The following RAD51C variants were observed in gnomAD, a reference collection of about 807,000 sequenced individuals.
RAD51C encodes the protein DNA repair protein RAD51 homolog 3.
In RAD51C, 42 loss-of-function variants were observed where a neutral mutation model predicts 45.0. The ratio of observed to expected loss-of-function variants is 0.93; its 90% CI spans 0.73 to 1.21. The LOEUF (loss-of-function observed/expected upper bound fraction) is 1.21. RAD51C is among the 50% of genes most tolerant of loss of function. RAD51C has a pLI of 0.00. For missense variants in RAD51C, 474 were observed against 452.2 expected, an observed-to-expected ratio of 1.05 and a Z score of -0.44; for synonymous variants, 172 against 159.8, an observed-to-expected ratio of 1.08 and a Z score of -0.58.
rs2048274960 is a variant in RAD51C at position 58,703,307 on chromosome 17, A to G, written c.683A>G (p.Asp228Gly). ...ELLAQVYLLP[D>G]FLSEHSKVRL... is the part of the protein sequence containing the mutation. ...CTGGCACAAGTTTATCTTCTTCCAG[A>G]TTTCCTTTCAGAACACTCAAAGGTA... The change falls in exon 4 of 9, where the codon GAT becomes GGT. Residue 228 changes from aspartate to glycine, a missense_variant. Coordinates refer to ENST00000337432, the MANE Select transcript of RAD51C (RefSeq NM_058216.3). The G allele has an allele frequency of 6.2e-7, 1 of 1,612,134 alleles. No homozygotes were observed. Among genetic ancestry groups the G allele is most frequent in the Non-Finnish European group, 8.5e-7 (1 of 1,178,462 alleles).
At chr17:58,710,021 A>G (rs1332056635) in intron 5 of RAD51C, 31 bp downstream of exon 5, 1 of 1,587,354 alleles carries the variant, frequency 6.3e-7, no homozygotes, top group South Asian at 1.1e-5. Context: ...AGAGTTTTAT[A>G]ACAAAGTCAA....
At chr17:58,713,595 G>A (rs766629763) in intron 5 of RAD51C, among the ~76,000 whole-genome samples, 18 of 152,040 alleles carry the variant, frequency 1.2e-4, no homozygotes, top group Non-Finnish European at 1.9e-4. Flanking sequence ...ATCACTTGAG[G>A]TCAGGAGTTC....
At chr17:58,720,102 G>A (rs558887090) in intron 5 of RAD51C, among the ~76,000 whole-genome samples, 51 of 150,598 alleles carry the variant, frequency 3.4e-4, no homozygotes, top group Middle Eastern at 3.5e-3. Context: ...GCTATAATAG[G>A]TAGATTAATT....
Position 58,734,317 on chromosome 17 carries a change from T to G in RAD51C, c.*95T>G, listed in dbSNP as rs548687636. 8.4e-6 allele frequency: 13 copies of G among 1,542,960 alleles called. No homozygotes were observed. Among genetic ancestry groups the G allele is most frequent in the African/African-American group, 1.4e-5 (1 of 72,934 alleles). ...TACCTTAAAGTATAAATAAACACAC[T>G]ATGGCATGAATGAATCCAGATCATA... is the stretch of plus-strand genomic sequence containing the variant. On this transcript the variant is annotated 3_prime_UTR_variant, in exon 9 of 9. Coordinates refer to ENST00000337432, the MANE Select transcript of RAD51C (RefSeq NM_058216.3).
intron 6 of RAD51C, among the ~76,000 whole-genome samples, chr17:58,723,765 G>A (rs920285804): frequency 7.9e-5 from 12 of 151,374 alleles, no homozygotes; most frequent in Admixed American, 2.0e-4. Flanking sequence ...TCAGAAATAC[G>A]TTAGGCTTGA....
At chr17:58,699,325 GTTTTA>G (rs2048130805) in intron 3 of RAD51C, among the ~76,000 whole-genome samples, 1 of 151,848 alleles carries the variant, frequency 6.6e-6, no homozygotes, top group Admixed American at 6.6e-5. Context: ...CTTTTTCTTT[GTTTTA>G]TTTATTTTTT....
intron 4 of RAD51C, among the ~76,000 whole-genome samples, chr17:58,704,412 A>G (rs1369068974): frequency 6.6e-6 from 1 of 151,020 alleles, no homozygotes; most frequent in Non-Finnish European, 1.5e-5. Flanking sequence ...AGCTGGGACT[A>G]CAGGCATGCG....
intron 3 of RAD51C, among the ~76,000 whole-genome samples, chr17:58,697,274 A>G (rs1345332848): frequency 1.3e-5 from 2 of 152,144 alleles, no homozygotes; most frequent in Non-Finnish European, 2.9e-5. Context: ...TGCAGTGCTC[A>G]TGCCTGTAAT....
At chr17:58,733,704 T>C (rs1319267893) in intron 8 of RAD51C, among the ~76,000 whole-genome samples, 2 of 152,222 alleles carry the variant, frequency 1.3e-5, no homozygotes, top group Non-Finnish European at 2.9e-5. Context: ...CAGTGGTTGA[T>C]AAATTTCTAT....
rs1057522983 is a variant in RAD51C at position 58,692,622 on chromosome 17, G to T, written c.-22G>T. ...AGGGCGTGCGGAGTTTGGCTGCTCCGGGGTTAGCAGGTGAGCCTGCGATGC... is the reference window on the plus strand; with the variant it reads ...AGGGCGTGCGGAGTTTGGCTGCTCCTGGGTTAGCAGGTGAGCCTGCGATGC... On this transcript the variant is annotated 5_prime_UTR_variant, in exon 1 of 9. Transcript: ENST00000337432. 1.9e-6 allele frequency: 3 copies of T among 1,613,492 alleles called. No individual in the cohort carries two copies. The South Asian group carries it at 3.3e-5, about 18-fold the overall frequency.
chr17:58,730,258 C>T (rs2049363201), intron 7 of RAD51C, among the ~76,000 whole-genome samples: 1 of 151,406 alleles, frequency 6.6e-6, no homozygotes, highest in Non-Finnish European at 1.5e-5. Flanking sequence ...TCCACCTCCC[C>T]AGTTCAAGTG....
chr17:58,706,604 T>G (rs2048388847), intron 4 of RAD51C: 1 of 417,234 alleles, frequency 2.4e-6, no homozygotes, highest in Non-Finnish European at 5.0e-6. Context: ...CCCCCTGGGC[T>G]TATGGTAAGA....
chr17:58,703,169 CTAAT>C lies in RAD51C; in HGVS notation c.572-23_572-20del. 1 of 1,606,850 alleles carries C rather than the reference CTAAT, an allele frequency of 6.2e-7. No homozygotes were observed. Among genetic ancestry groups the C allele is most frequent in the Non-Finnish European group, 8.5e-7 (1 of 1,174,074 alleles). ...TGCCAATACATCCAAACAGGTAAAA[CTAAT>C]TAAGAGTGTTTTGTTGTTTCAGAAC... On this transcript the variant is annotated intron_variant, in intron 3 of 8. Coordinates refer to ENST00000337432, the MANE Select transcript of RAD51C (RefSeq NM_058216.3).
At position 58,696,804 on chromosome 17, in the gene RAD51C, T is replaced by C; in HGVS notation, c.516T>C (p.Leu172=). The part of the protein sequence containing the change: ...GSFMVDRVVD[L]ATACIQHLQL... The stretch of plus-strand genomic sequence containing the variant: ...TTATGGTTGATAGAGTGGTAGACCT[T>C]GCTACTGCCTGCATTCAGCACCTTC... Residue 172 remains leucine (L), a synonymous_variant, in exon 3 of 9, where the codon CTT becomes CTC. Transcript: ENST00000337432. 6.2e-7 allele frequency: 1 copy of C among 1,614,182 alleles called. No homozygotes were observed.
In RAD51C at chr17:58,698,541, C is replaced by T. The variant is rs1279760007; in HGVS notation, c.571+1682C>T. On this transcript the variant is annotated intron_variant, in intron 3 of 8. Coordinates refer to ENST00000337432, the MANE Select transcript of RAD51C (RefSeq NM_058216.3). ...AGGGGGTTTCACCATATAGGCAAGTCAGGTCTTGAACTCCTGACCTCAGGT... is the reference window on the plus strand; with the variant it reads ...AGGGGGTTTCACCATATAGGCAAGTTAGGTCTTGAACTCCTGACCTCAGGT... Among the ~76,000 whole-genome samples the T allele has an allele frequency of 6.7e-5, 10 of 149,766 alleles. No homozygotes were observed. The East Asian group carries it at 1.2e-3, about 18-fold the overall frequency.
intron 7 of RAD51C, among the ~76,000 whole-genome samples, chr17:58,731,548 C>T (rs541775672): frequency 2.6e-5 from 4 of 152,208 alleles, no homozygotes; most frequent in South Asian, 4.1e-4. Context: ...CGTGAGCCAC[C>T]GCGCCCAGCC....
chr17:58,717,142 C>T (rs536211876), intron 5 of RAD51C, among the ~76,000 whole-genome samples: 2 of 151,770 alleles, frequency 1.3e-5, no homozygotes, highest in Admixed American at 6.6e-5. Context: ...CACAGTGGCT[C>T]ATGCCTATAA....
At chr17:58,717,047 C>G (rs1011169752) in intron 5 of RAD51C, among the ~76,000 whole-genome samples, 2 of 152,044 alleles carry the variant, frequency 1.3e-5, no homozygotes, top group African/African-American at 4.8e-5. Flanking sequence ...GATCCGCCCG[C>G]CTCGGCCTCC....
rs730881942 is a variant in RAD51C, at chr17:58,692,732, CG to C, written c.93del (p.Phe32SerfsTer8). The C allele has an allele frequency of 2.3e-5, 37 of 1,614,200 alleles. No homozygotes were observed. The highest frequency in any genetic ancestry group is 1.3e-5 in the Non-Finnish European group (15 of 1,180,038). ...GCGGTGCGGGTGAAGCTGGTGTCTG[CG>C]GGGTTCCAGACTGCTGAGGAACTCC... ...SPAVRVKLVS[A>X]GFQTAEELLE... On this transcript the variant is annotated frameshift_variant, in exon 1 of 9. Transcript: ENST00000337432. LOFTEE classifies it high-confidence loss of function.
Sources: allele counts gnomAD v4.1 joint callset (sites outside exome capture counted in the v4.1 genomes callset), GRCh38; gene constraint gnomAD v4.1.1; transcripts MANE v1.5; gene names NCBI Gene and HGNC (gene_info 2026-07-23, HGNC 2026-07-21).